The following SLC30A5 variants were observed in gnomAD, a reference collection of about 807,000 sequenced individuals.
SLC30A5 encodes the protein solute carrier family 30 member 5, also known as proton-coupled zinc antiporter SLC30A5.
In SLC30A5, 33 loss-of-function variants were observed where a neutral mutation model predicts 79.6. The ratio of observed to expected loss-of-function variants is 0.41; its 90% CI spans 0.31 to 0.55. The LOEUF is 0.55. SLC30A5 is among the 20% of genes least tolerant of loss of function. The probability of loss-of-function intolerance (pLI) is 0.20; values close to 1 mark genes in which losing one functional copy is unlikely to be tolerated. For missense variants in SLC30A5, 788 were observed against 928.1 expected (o/e 0.85, Z 1.96); for synonymous variants, 299 against 319.7 (o/e 0.94, Z 0.69).
rs780515841 is a variant in SLC30A5 at position 69,118,597 on chromosome 5, A to G, written c.1538A>G (p.Asp513Gly). 5.0e-6 allele frequency: 8 copies of G among 1,595,134 alleles called. No individual in the cohort carries two copies. Among genetic ancestry groups the G allele is most frequent in the Non-Finnish European group, 6.8e-6 (8 of 1,171,850 alleles). ...VFMESVARLI[D>G]PPELDTHMLT... ...ATGGAGTCAGTGGCTAGATTGATTG[A>G]TCCTCCAGAATTAGACACTCACATG... The change falls in exon 12 of 16, where the codon GAT becomes GGT. Residue 513 changes from aspartate (D) to glycine (G), a missense_variant. Around this residue, in one of 3 missense-constraint regions of SLC30A5, gnomAD observed 626 missense variants for 755.5 expected, o/e 0.83. Transcript: ENST00000396591.
intron 3 of SLC30A5, chr5:69,104,022 C>A (rs757708113): frequency 9.6e-6 from 15 of 1,568,144 alleles, no homozygotes; most frequent in Admixed American, 1.9e-5. Flanking sequence ...GTTAAATGAT[C>A]CTAGGAAACT....
intron 4 of SLC30A5, among the ~76,000 whole-genome samples, chr5:69,107,387 ACAC>A (rs1746107318): frequency 1.3e-5 from 2 of 152,066 alleles, no homozygotes; most frequent in African/African-American, 4.8e-5. Context: ...TTTGTTTTTG[ACAC>A]CACTATTTGA....
chr5:69,113,387 CA>C (rs1242531408), intron 6 of SLC30A5, 160 bp downstream of exon 6: 3 of 519,348 alleles, frequency 5.8e-6, no homozygotes, highest in Non-Finnish European at 9.9e-6. Context: ...AAATAATGAA[CA>C]AACTCATTAT....
chr5:69,124,474 A>G (rs185933728), intron 14 of SLC30A5, among the ~76,000 whole-genome samples: 2,125 of 152,064 alleles, frequency 0.014, 34 homozygotes, highest in African/African-American at 0.048. Context: ...CTTTGTGGGG[A>G]AAAAAAAGCT....
At chr5:69,107,010 G>A (rs1746097757) in intron 4 of SLC30A5, among the ~76,000 whole-genome samples, 1 of 151,756 alleles carries the variant, frequency 6.6e-6, no homozygotes, top group Non-Finnish European at 1.5e-5. Context: ...GACTACAGGT[G>A]CCTACCACCA....
chr5:69,110,313 A>G (rs77862509), intron 5 of SLC30A5, among the ~76,000 whole-genome samples: 1 of 152,166 alleles, frequency 6.6e-6, no homozygotes, highest in Non-Finnish European at 1.5e-5. Context: ...TTTCCTAGAC[A>G]TAAAGGAAAG....
chr5:69,119,376 T>C (rs1746474874), intron 12 of SLC30A5, among the ~76,000 whole-genome samples: 1 of 152,216 alleles, frequency 6.6e-6, no homozygotes, highest in Non-Finnish European at 1.5e-5. Context: ...ACAAAGTTTG[T>C]TAGATTCCTT....
chr5:69,104,052 A>T, intron 3 of SLC30A5: 3 of 1,561,602 alleles, frequency 1.9e-6, no homozygotes, highest in Non-Finnish European at 2.6e-6. Flanking sequence ...CTGAGAAATC[A>T]TAAAATTGTA....
At chr5:69,101,238 T>C (rs896103247) in intron 2 of SLC30A5, among the ~76,000 whole-genome samples, 19 of 152,142 alleles carry the variant, frequency 1.2e-4, no homozygotes, top group African/African-American at 4.6e-4. Flanking sequence ...AGAGTCCTCA[T>C]GTAGTGTGAA....
intron 2 of SLC30A5, among the ~76,000 whole-genome samples, chr5:69,101,404 G>A (rs994694481): frequency 2.0e-5 from 3 of 150,806 alleles, no homozygotes; most frequent in South Asian, 2.1e-4. Context: ...TCAGCCTCCC[G>A]AGTAGCTGGG....
In SLC30A5 at chr5:69,100,879, TCTC is replaced by T; in HGVS notation, c.159_161del (p.Leu54del). 1.9e-6 allele frequency: 3 copies of T among 1,574,082 alleles called. No homozygotes were observed. Among genetic ancestry groups the T allele is most frequent in the Non-Finnish European group, 2.6e-6 (3 of 1,154,322 alleles). On this transcript the variant is annotated inframe_deletion, in exon 2 of 16. Transcript: ENST00000396591. ...CTGTGGGACTTTTCGAATCATATGA[TCTC>T]CTAAAAGCTGTTCACATTGTTCAGT... is the stretch of plus-strand genomic sequence containing the variant.
At chr5:69,129,077 C>T (rs1746780076) in intron 15 of SLC30A5, among the ~76,000 whole-genome samples, 1 of 152,212 alleles carries the variant, frequency 6.6e-6, no homozygotes, top group Admixed American at 6.6e-5. Flanking sequence ...GATCCTCCTG[C>T]CTCAGCCTCC....
At position 69,117,257 on chromosome 5, in the gene SLC30A5, T is replaced by C. The variant is rs752966720; in HGVS notation, c.1300T>C (p.Leu434=). The C allele has an allele frequency of 1.2e-6, 2 of 1,612,284 alleles. No homozygotes were observed. Among genetic ancestry groups the C allele is most frequent in the South Asian group, 1.1e-5 (1 of 90,814 alleles). The part of the protein sequence containing the change: ...CLNLLFTFVE[L]FYGVLTNSLG... The stretch of plus-strand genomic sequence containing the variant: ...TTTTTAGCTTTTTACCTTTGTGGAA[T>C]TATTCTATGGCGTGCTGACCAATAG... The change falls in exon 11 of 16, where the codon TTA becomes CTA. Residue 434 remains leucine (L), a synonymous_variant. Transcript: ENST00000396591.
chr5:69,116,620 T>A lies in SLC30A5; in HGVS notation c.1281+18T>A. On this transcript the variant is annotated intron_variant, in intron 10 of 15. Transcript: ENST00000396591. This position sits in a 1 kb window ranked among gnomAD's most constrained non-coding sequence, Gnocchi z 4.0. The stretch of plus-strand genomic sequence containing the variant: ...TGAATCTGGTAAGATTTTTAAATGT[T>A]AATTGACATATCCTAAAAGCATAAT... 3 of 1,446,576 alleles carry A rather than the reference T, an allele frequency of 2.1e-6. No individual in the cohort carries two copies. The highest frequency in any genetic ancestry group is 2.8e-6 in the Non-Finnish European group (3 of 1,073,012). 89.6% of individuals were successfully genotyped at this position (1,446,576 alleles called of 1,614,324 possible).
rs746931225 is a variant in SLC30A5 at position 69,116,276 on chromosome 5, A to G, written c.1072+62A>G. On this transcript the variant is annotated intron_variant, in intron 9 of 15. Coordinates refer to ENST00000396591, the MANE Select transcript of SLC30A5 (RefSeq NM_022902.5). The surrounding 1 kb of genome is among the most constrained non-coding windows in gnomAD (Gnocchi z 4.0). ...TCTATTTATGGATTTTGATGGTCACATCATTTACTTATTTTGGGAAATTCT... is the reference window on the plus strand; with the variant it reads ...TCTATTTATGGATTTTGATGGTCACGTCATTTACTTATTTTGGGAAATTCT... 6.3e-5 allele frequency: 96 copies of G among 1,512,870 alleles called. No homozygotes were observed. The highest frequency in any genetic ancestry group is 8.2e-5 in the Non-Finnish European group (92 of 1,128,066). The allele number at this position is 1,512,870 out of a possible 1,614,324, so 93.7% of individuals were successfully genotyped here. A position where few individuals can be genotyped will look rare whatever the true frequency, so the allele number is the denominator to read the frequency against.
chr5:69,115,511 T>A, intron 8 of SLC30A5, 104 bp downstream of exon 8: 2 of 945,530 alleles, frequency 2.1e-6, no homozygotes, highest in Non-Finnish European at 3.0e-6. Flanking sequence ...TAATTTGAGG[T>A]TGAAAGTGGC....
chr5:69,101,883 G>C (rs926325344), intron 2 of SLC30A5, among the ~76,000 whole-genome samples: 1 of 150,830 alleles, frequency 6.6e-6, no homozygotes, highest in Admixed American at 6.6e-5. Context: ...CTTGAACCTG[G>C]GAGGCAGCGG....
intron 14 of SLC30A5, among the ~76,000 whole-genome samples, chr5:69,123,874 T>C (rs1404676036): frequency 6.6e-6 from 1 of 152,138 alleles, no homozygotes; most frequent in Admixed American, 6.6e-5. Context: ...AATTATAAAG[T>C]AGCAGAATTA....
At position 69,116,537 on chromosome 5, in the gene SLC30A5, T is replaced by A; in HGVS notation, c.1216T>A (p.Ser406Thr). ...ATCGATCCCTAGGTTTATTAAGGAA[T>A]CACTAAAACAAATTCTTGAGGAGAG... ...SQSIPRFIKE[S>T]LKQILEESDS... Residue 406 changes from serine to threonine, a missense_variant, in exon 10 of 16, where the codon TCA (serine) becomes ACA (threonine). By Grantham distance (58) the Ser-to-Thr change is moderately conservative. Transcript: ENST00000396591. This position sits in a 1 kb window ranked among gnomAD's most constrained non-coding sequence, Gnocchi z 4.0. The A allele has an allele frequency of 1.2e-6, 2 of 1,611,122 alleles. No homozygotes were observed. Among genetic ancestry groups the A allele is most frequent in the South Asian group, 2.2e-5 (2 of 90,310 alleles).
Sources: gnomAD v4.1 joint callset for allele counts (sites outside exome capture counted in the v4.1 genomes callset) on GRCh38, gnomAD v4.1.1 for gene constraint, gnomAD v4.1.1 regional missense constraint, Gnocchi (gnomAD v3.1) non-coding constraint, MANE v1.5 for transcripts, NCBI Gene and HGNC (gene_info 2026-07-23, HGNC 2026-07-21) for gene names.